Variants in DEFB106B observed in about 807,000 individuals in gnomAD.
DEFB106B encodes the protein defensin beta 106B.
intron 1 of DEFB106B, among the ~76,000 whole-genome samples, chr8:7,484,545 G>C (rs1346936674): frequency 7.3e-6 from 1 of 137,852 alleles, no homozygotes; most frequent in East Asian, 2.2e-4. Flanking sequence ...TTACATACTA[G>C]TATATAATAC....
chr8:7,484,356 A>C (rs1421379066), intron 1 of DEFB106B, among the ~76,000 whole-genome samples: 1 of 148,548 alleles, frequency 6.7e-6, no homozygotes, highest in Non-Finnish European at 1.5e-5. Flanking sequence ...TATACTATAT[A>C]CTAGTGTATT....
intron 1 of DEFB106B, among the ~76,000 whole-genome samples, chr8:7,484,308 A>G (rs1811399751): frequency 6.8e-6 from 1 of 147,306 alleles, no homozygotes; most frequent in African/African-American, 2.5e-5. Flanking sequence ...TAGTATATAC[A>G]CTATACTGTA....
intron 1 of DEFB106B, among the ~76,000 whole-genome samples, chr8:7,484,159 A>G (rs1811388498): frequency 8.8e-6 from 1 of 113,490 alleles, no homozygotes; most frequent in Non-Finnish European, 1.9e-5. Context: ...TAGTATATAT[A>G]CTATACTATA....
At chr8:7,483,704 T>C (rs1811367886) in intron 1 of DEFB106B, among the ~76,000 whole-genome samples, 1 of 104,070 alleles carries the variant, frequency 9.6e-6, no homozygotes, top group Admixed American at 1.1e-4. Flanking sequence ...ACTCTGGCTC[T>C]CACTGGCAGG....
At chr8:7,483,827 T>C (rs1811371700) in intron 1 of DEFB106B, among the ~76,000 whole-genome samples, 1 of 133,386 alleles carries the variant, frequency 7.5e-6, no homozygotes, top group Admixed American at 7.8e-5. Flanking sequence ...TATCATAGTA[T>C]AGATTAGTAT....
intron 1 of DEFB106B, among the ~76,000 whole-genome samples, chr8:7,484,374 T>C (rs1178034684): frequency 1.4e-5 from 2 of 147,958 alleles, no homozygotes; most frequent in African/African-American, 5.0e-5. Flanking sequence ...ATTATACTAG[T>C]ATATACACTA....
At position 7,482,821 on chromosome 8, in the gene DEFB106B, T is replaced by C. The variant is rs2738003; in HGVS notation, c.50-69A>G. The C allele has an allele frequency of 1.8e-5, 25 of 1,396,398 alleles. No homozygotes were observed. In the African/African-American group the frequency reaches 3.6e-4, roughly 20 times the overall value. 86.5% of individuals were successfully genotyped at this position (1,396,398 alleles called of 1,614,324 possible). A position where few individuals can be genotyped will look rare whatever the true frequency, so the allele number is the denominator to read the frequency against. On this transcript the variant is annotated intron_variant, in intron 1 of 1. Coordinates refer to ENST00000335479, the MANE Select transcript of DEFB106B (RefSeq NM_001040704.2). The stretch of plus-strand genomic sequence containing the variant: ...CATGTATGTTTACCAGATACGGTTG[T>C]ATGACTACTTGGTGAAGATTTTTTC...
At chr8:7,485,526 A>T in intron 1 of DEFB106B, among the ~76,000 whole-genome samples, 1 of 151,550 alleles carries the variant, frequency 6.6e-6, no homozygotes, top group Non-Finnish European at 1.5e-5. Context: ...GGAGGCTCAC[A>T]TGAGCCTGGT....
chr8:7,486,141 TC>T (rs1250445844), intron 1 of DEFB106B, among the ~76,000 whole-genome samples, 192 bp downstream of exon 1: 1 of 151,362 alleles, frequency 6.6e-6, no homozygotes, highest in Non-Finnish European at 1.5e-5. Flanking sequence ...TTCCTGGCCT[TC>T]TTTTATTCTT....
At chr8:7,484,421 A>ATGC in intron 1 of DEFB106B, among the ~76,000 whole-genome samples, 1 of 147,594 alleles carries the variant, frequency 6.8e-6, no homozygotes, top group African/African-American at 2.5e-5. Context: ...TATATACACT[A>ATGC]TACTATATAC....
rs1215647230 is a variant in DEFB106B at position 7,482,535 on chromosome 8, C to A, written c.*69G>T. On this transcript the variant is annotated 3_prime_UTR_variant, in exon 2 of 2. Transcript: ENST00000335479. ...CATTTATTTTTATTAAAGTGTCTGC[C>A]TACAGCAGAGGCAAGAGTAAAAAGA... The A allele has an allele frequency of 1.6e-6, 1 of 629,320 alleles. No individual in the cohort carries two copies. The highest frequency in any genetic ancestry group is 3.6e-5 in the East Asian group (1 of 27,410). 39.0% of individuals were successfully genotyped at this position (629,320 alleles called of 1,614,324 possible).
At chr8:7,484,888 ATG>A (rs1563356701) in intron 1 of DEFB106B, among the ~76,000 whole-genome samples, 2 of 17,948 alleles carry the variant, frequency 1.1e-4, no homozygotes, top group Admixed American at 8.5e-4. Context: ...AAAAAAAAAT[ATG>A]TATATATATA....
chr8:7,483,489 T>C (rs6984237), intron 1 of DEFB106B, among the ~76,000 whole-genome samples: 21 of 89,554 alleles, frequency 2.3e-4, no homozygotes, highest in South Asian at 7.5e-4. Flanking sequence ...GTATATATAA[T>C]GAAGGCATCA....
intron 1 of DEFB106B, among the ~76,000 whole-genome samples, chr8:7,484,160 C>A (rs1319899129): frequency 3.0e-4 from 33 of 109,378 alleles, no homozygotes; most frequent in African/African-American, 1.1e-3. Flanking sequence ...AGTATATATA[C>A]TATACTATAT....
rs1450388049 is a variant in DEFB106B, at chr8:7,484,975, ATAAT to A, written c.49+1355_49+1358del. ...CAATACCATACTGTAACATCAGTAA[ATAAT>A]TATAGTATATACTATGCTATACTAT... is the stretch of plus-strand genomic sequence containing the variant. On this transcript the variant is annotated intron_variant, in intron 1 of 1. Coordinates refer to ENST00000335479, the MANE Select transcript of DEFB106B (RefSeq NM_001040704.2). Among the ~76,000 whole-genome samples, 5 of 80,776 alleles carry A rather than the reference ATAAT, an allele frequency of 6.2e-5. 1 individual carries two copies. Among genetic ancestry groups the A allele is most frequent in the Non-Finnish European group, 1.2e-4 (5 of 41,998 alleles). 53.0% of individuals were successfully genotyped at this position (80,776 alleles called of 152,430 possible). A position where few individuals can be genotyped will look rare whatever the true frequency, so the allele number is the denominator to read the frequency against.
rs368528313 is a variant in DEFB106B at position 7,482,863 on chromosome 8, C to G, written c.50-111G>C. 1.5e-6 allele frequency: 2 copies of G among 1,323,900 alleles called. 1 individual carries two copies. The highest frequency in any genetic ancestry group is 3.0e-5 in the African/African-American group (2 of 66,818). The allele number at this position is 1,323,900 out of a possible 1,614,324, so 82.0% of individuals were successfully genotyped here. A position where few individuals can be genotyped will look rare whatever the true frequency, so the allele number is the denominator to read the frequency against. ...GATTTTTTCACAAGCTGTCATAGTG[C>G]CATATCCTACCGGTAGATGAGATGG... On this transcript the variant is annotated intron_variant, in intron 1 of 1. Transcript: ENST00000335479.
At chr8:7,484,068 A>T (rs1481627929) in intron 1 of DEFB106B, among the ~76,000 whole-genome samples, 2 of 134,966 alleles carry the variant, frequency 1.5e-5, no homozygotes, top group Non-Finnish European at 3.1e-5. Context: ...TATATATACT[A>T]TATTATCATA....
At chr8:7,485,482 T>C (rs1453746833) in intron 1 of DEFB106B, among the ~76,000 whole-genome samples, 2 of 151,982 alleles carry the variant, frequency 1.3e-5, no homozygotes, top group East Asian at 1.9e-4. Flanking sequence ...TGGGAGTTAC[T>C]GTGGGCTCTG....
intron 1 of DEFB106B, among the ~76,000 whole-genome samples, chr8:7,484,434 G>T (rs1450426168): frequency 6.9e-6 from 1 of 145,496 alleles, no homozygotes; most frequent in Non-Finnish European, 1.5e-5. Flanking sequence ...CTATATACTA[G>T]AGTATTATAC....
Sources: allele counts gnomAD v4.1 joint callset (sites outside exome capture counted in the v4.1 genomes callset), GRCh38; gene constraint gnomAD v4.1.1; transcripts MANE v1.5; gene names NCBI Gene and HGNC (gene_info 2026-07-23, HGNC 2026-07-21).